RIC8B: variants seen among roughly 807,000 people sequenced by gnomAD.
The protein encoded by RIC8B is chaperone Ric-8B.
In RIC8B, 16 loss-of-function variants were observed where a neutral mutation model predicts 57.5. The ratio of observed to expected loss-of-function variants is 0.28; its 90% CI spans 0.19 to 0.42. The LOEUF is 0.42. Ranked by LOEUF, RIC8B falls within the 10% of genes least tolerant of loss-of-function variation. RIC8B has a pLI of 1.00. For synonymous variants in RIC8B, 216 were observed against 250.8 expected (o/e 0.86, Z 1.31); for missense variants, 481 against 677.0 (o/e 0.71, Z 3.21).
At chr12:106,819,202 T>G (rs2045725716) in intron 3 of RIC8B, among the ~76,000 whole-genome samples, 1 of 152,244 alleles carries the variant, frequency 6.6e-6, no homozygotes, top group African/African-American at 2.4e-5. Flanking sequence ...GTTTTCAACA[T>G]GTGTTTCTTT....
intron 1 of RIC8B, 149 bp downstream of exon 1, chr12:106,774,978 C>A: frequency 1.6e-6 from 1 of 627,842 alleles, no homozygotes; most frequent in Non-Finnish European, 2.8e-6. Context: ...CGTGTTTGTG[C>A]CCCCAGCCTT....
chr12:106,886,960 A>C lies in RIC8B; in HGVS notation c.*945A>C, dbSNP rs1951207282. 6.6e-6 allele frequency: 1 copy of C among 152,476 alleles called. No individual in the cohort carries two copies. The highest frequency in any genetic ancestry group is 1.5e-5 in the Non-Finnish European group (1 of 68,002). 9.4% of individuals were successfully genotyped at this position (152,476 alleles called of 1,614,324 possible). A position where few individuals can be genotyped will look rare whatever the true frequency, so the allele number is the denominator to read the frequency against. On this transcript the variant is annotated 3_prime_UTR_variant, in exon 10 of 10. Transcript: ENST00000392837. ...GACTGTGTGTGCTGGTGTGTGTGTG[A>C]GTTCTACGTTTCTACCATATGTGAT...
Position 106,813,988 on chromosome 12 carries a change from T to A in RIC8B, c.133-708T>A, listed in dbSNP as rs181560529. ...TCATTCTAGAATTGTTTTTGAGATATTGATAGCAAGGTTTGGAACCAGAAC... is the reference window on the plus strand; with the variant it reads ...TCATTCTAGAATTGTTTTTGAGATAATGATAGCAAGGTTTGGAACCAGAAC... On this transcript the variant is annotated intron_variant, in intron 2 of 9. Coordinates refer to ENST00000392837, the MANE Select transcript of RIC8B (RefSeq NM_001330145.2). Among the ~76,000 whole-genome samples, 3 of 152,204 alleles carry A rather than the reference T, an allele frequency of 2.0e-5. No individual in the cohort carries two copies. In the South Asian group the frequency reaches 6.2e-4, roughly 31 times the overall value.
chr12:106,845,774 C>T (rs1949160564), intron 6 of RIC8B, among the ~76,000 whole-genome samples: 1 of 152,114 alleles, frequency 6.6e-6, no homozygotes, highest in Non-Finnish European at 1.5e-5. Flanking sequence ...TCTTTTTACT[C>T]GTTTTTGACT....
chr12:106,783,986 T>C lies in RIC8B; in HGVS notation c.85-11T>C, dbSNP rs556852397. 1.1e-4 allele frequency: 179 copies of C among 1,612,604 alleles called. No individual in the cohort carries two copies. In the South Asian group the frequency reaches 1.8e-3, roughly 16 times the overall value. On this transcript the variant is annotated splice_polypyrimidine_tract_variant and intron_variant, in intron 1 of 9. Coordinates refer to ENST00000392837, the MANE Select transcript of RIC8B (RefSeq NM_001330145.2). Reference sequence around the variant, plus strand: ...TTTAAAATGACATTGTTTCCCTTTTTTCCCCCTCAGCATAGGGCTACTTTC... The same window carrying C: ...TTTAAAATGACATTGTTTCCCTTTTCTCCCCCTCAGCATAGGGCTACTTTC...
At chr12:106,825,601 C>G in intron 3 of RIC8B, 125 bp from the exon 4 acceptor site, 1 of 642,082 alleles carries the variant, frequency 1.6e-6, no homozygotes, top group Admixed American at 2.3e-5. Flanking sequence ...CTAGGATATT[C>G]TGCCATCTAA....
chr12:106,804,889 A>C (rs1340262294), intron 2 of RIC8B, among the ~76,000 whole-genome samples: 2 of 152,158 alleles, frequency 1.3e-5, no homozygotes, highest in East Asian at 3.9e-4. Flanking sequence ...TGAAAAAGAT[A>C]GCGTTTGATT....
At chr12:106,795,162 CA>C (rs1219663951) in intron 2 of RIC8B, among the ~76,000 whole-genome samples, 1 of 151,848 alleles carries the variant, frequency 6.6e-6, no homozygotes, top group Non-Finnish European at 1.5e-5. Flanking sequence ...CTTTAAAAGA[CA>C]AAATTATAAA....
At chr12:106,843,767 G>T (rs543168371) in intron 5 of RIC8B, 85 bp from the exon 6 acceptor site, 183 of 623,500 alleles carry the variant, frequency 2.9e-4, no homozygotes, top group Non-Finnish European at 4.0e-4. Context: ...AAAACAAATT[G>T]ATATCCTCAG....
At chr12:106,848,287 G>A (rs2136450732) in intron 6 of RIC8B, among the ~76,000 whole-genome samples, 1 of 152,294 alleles carries the variant, frequency 6.6e-6, no homozygotes, top group East Asian at 1.9e-4. Flanking sequence ...AACAGCATAG[G>A]CAGGGAGAAT....
At chr12:106,802,256 T>A (rs1335426070) in intron 2 of RIC8B, among the ~76,000 whole-genome samples, 1 of 152,208 alleles carries the variant, frequency 6.6e-6, no homozygotes, top group Admixed American at 6.5e-5. Context: ...TTAAAGAATA[T>A]GTACCAAAAT....
intron 4 of RIC8B, among the ~76,000 whole-genome samples, chr12:106,830,873 T>G (rs896365651): frequency 6.6e-6 from 1 of 152,174 alleles, no homozygotes; most frequent in African/African-American, 2.4e-5. Context: ...TAGAGAGATA[T>G]CACAGATTTT....
At chr12:106,814,380 G>C (rs2045475379) in intron 2 of RIC8B, among the ~76,000 whole-genome samples, 1 of 152,152 alleles carries the variant, frequency 6.6e-6, no homozygotes, top group Non-Finnish European at 1.5e-5. Flanking sequence ...AGAAGCAATA[G>C]CATGACTAAA....
At chr12:106,873,256 T>G in intron 9 of RIC8B, 1 of 913,338 alleles carries the variant, frequency 1.1e-6, no homozygotes, top group Non-Finnish European at 1.3e-6. Flanking sequence ...CCATTAAAGT[T>G]GAAGCAAAAG....
At chr12:106,783,125 C>T (rs1465708226) in intron 1 of RIC8B, among the ~76,000 whole-genome samples, 1 of 152,206 alleles carries the variant, frequency 6.6e-6, no homozygotes, top group Non-Finnish European at 1.5e-5. Flanking sequence ...CCAATCATTG[C>T]AGAAGAGTCA....
rs796673872 is a variant in RIC8B at position 106,870,196 on chromosome 12, TAGCCAGGA to T, written c.1452-626_1452-619del. Among the ~76,000 whole-genome samples the T allele has an allele frequency of 5.0e-4, 76 of 152,302 alleles. 1 individual carries two copies. Among genetic ancestry groups the T allele is most frequent in the African/African-American group, 1.7e-3 (71 of 41,570 alleles). On this transcript the variant is annotated intron_variant, in intron 8 of 9. Coordinates refer to ENST00000392837, the MANE Select transcript of RIC8B (RefSeq NM_001330145.2). ...GTACTGTATTAAATCTATTTCCAGA[TAGCCAGGA>T]TGATATACCTGTCTCTTGGTAGGCT... is the stretch of plus-strand genomic sequence containing the variant.
chr12:106,781,497 CCAAA>C (rs2043761534), intron 1 of RIC8B, among the ~76,000 whole-genome samples: 1 of 152,106 alleles, frequency 6.6e-6, no homozygotes, highest in Non-Finnish European at 1.5e-5. Flanking sequence ...TCTATTGGAT[CCAAA>C]CACTCTTAGA....
intron 4 of RIC8B, among the ~76,000 whole-genome samples, chr12:106,836,882 T>C (rs1414365936): frequency 3.3e-5 from 5 of 152,252 alleles, no homozygotes; most frequent in Admixed American, 2.6e-4. Flanking sequence ...ACTCCTCTTA[T>C]GTATGGTGGG....
intron 2 of RIC8B, among the ~76,000 whole-genome samples, chr12:106,798,319 A>G (rs2044578689): frequency 6.6e-6 from 1 of 152,130 alleles, no homozygotes; most frequent in African/African-American, 2.4e-5. Context: ...TTCTTGGCTG[A>G]CCAGATGTTT....
Sources: gnomAD v4.1 joint callset for allele counts (sites outside exome capture counted in the v4.1 genomes callset) on GRCh38, gnomAD v4.1.1 for gene constraint, MANE v1.5 for transcripts, NCBI Gene and HGNC (gene_info 2026-07-23, HGNC 2026-07-21) for gene names.